The following RXRA variants were observed in gnomAD, a reference collection of about 807,000 sequenced individuals.
The protein encoded by RXRA is retinoid X receptor alpha.
A neutral mutation model predicts 44.5 loss-of-function variants in RXRA; 5 were observed. That is an observed-to-expected ratio of 0.11 (90% CI 0.06 to 0.24). RXRA has a LOEUF of 0.24. RXRA is among the 10% of genes least tolerant of loss of function. The pLI is 1.00. For missense variants in RXRA, 412 were observed against 646.5 expected, an observed-to-expected ratio of 0.64 and a Z score of 3.93; for synonymous variants, 291 against 271.4, an observed-to-expected ratio of 1.07 and a Z score of -0.71.
intron 1 of RXRA, among the ~76,000 whole-genome samples, chr9:134,387,851 G>T (rs1363285857): frequency 6.6e-6 from 1 of 152,158 alleles, no homozygotes; most frequent in Non-Finnish European, 1.5e-5. Flanking sequence ...GGGCTGTCTG[G>T]AGTGATCGTG....
At chr9:134,425,094 G>C in intron 6 of RXRA, 1 of 985,340 alleles carries the variant, frequency 1.0e-6, no homozygotes, top group Non-Finnish European at 1.2e-6. Flanking sequence ...CAAGGTCTCT[G>C]CTCACTCCGG....
At chr9:134,391,283 T>A (rs1199428795) in intron 1 of RXRA, among the ~76,000 whole-genome samples, 1 of 151,444 alleles carries the variant, frequency 6.6e-6, no homozygotes, top group East Asian at 2.0e-4. Context: ...ACTGCAGGGG[T>A]GTTCCTGAGC....
In RXRA at chr9:134,392,143, C is replaced by T. The variant is rs147754548; in HGVS notation, c.29-9489C>T. Reference sequence around the variant, plus strand: ...TTGCAGAGGGGGAGGGTGGGAAGGACGTCACATGCAGGCGATTGGGGCTCC... The same window carrying T: ...TTGCAGAGGGGGAGGGTGGGAAGGATGTCACATGCAGGCGATTGGGGCTCC... On this transcript the variant is annotated intron_variant, in intron 1 of 9. Coordinates refer to ENST00000481739, the MANE Select transcript of RXRA (RefSeq NM_002957.6). 4.5e-3 allele frequency among the ~76,000 whole-genome samples: 685 copies of T among 152,332 alleles called. 2 individuals are homozygous for T. Among genetic ancestry groups the T allele is most frequent in the South Asian group, 7.7e-3 (37 of 4,832 alleles).
At position 134,436,608 on chromosome 9, in the gene RXRA, G is replaced by T; in HGVS notation, c.1383G>T (p.Met461Ile). 6.2e-7 allele frequency: 1 copy of T among 1,613,980 alleles called. No individual in the cohort carries two copies. The highest frequency in any genetic ancestry group is 1.1e-5 in the South Asian group (1 of 91,090). The part of the protein sequence containing the change: ...LMEMLEAPHQ[M>I]T ...AGATGCTGGAGGCGCCGCACCAAAT[G>T]ACTTAGGCCTGCGGGCCCATCCTTT... is the stretch of plus-strand genomic sequence containing the variant. The change falls in exon 10 of 10, where the codon ATG becomes ATT. Residue 461 changes from methionine (M) to isoleucine (I), a missense_variant. By Grantham distance (10) the Met-to-Ile change is conservative. Around this residue, in one of 4 missense-constraint regions of RXRA, gnomAD observed 141 missense variants for 270.8 expected, o/e 0.52. Transcript: ENST00000481739.
chr9:134,367,074 C>T (rs954713875), intron 1 of RXRA, among the ~76,000 whole-genome samples: 6 of 152,134 alleles, frequency 3.9e-5, no homozygotes, highest in Non-Finnish European at 5.9e-5. Context: ...CTTTTTAAGG[C>T]GTGCAGTTCA....
chr9:134,353,774 G>A (rs1306479111), intron 1 of RXRA, among the ~76,000 whole-genome samples: 1 of 152,234 alleles, frequency 6.6e-6, no homozygotes, highest in Non-Finnish European at 1.5e-5. Context: ...CTCCAGGCCT[G>A]GGATGTCCCG....
intron 1 of RXRA, among the ~76,000 whole-genome samples, chr9:134,375,379 A>G (rs1830543206): frequency 6.6e-6 from 1 of 152,048 alleles, no homozygotes; most frequent in African/African-American, 2.4e-5. Flanking sequence ...CCAGAATTGC[A>G]GTGGCTTTTG....
chr9:134,331,120 C>A (rs992748380), intron 1 of RXRA, among the ~76,000 whole-genome samples: 1 of 152,164 alleles, frequency 6.6e-6, no homozygotes, highest in African/African-American at 2.4e-5. Context: ...GGAGAGCGCT[C>A]GCTGCTGCTG....
Position 134,408,951 on chromosome 9 carries a change from G to A in RXRA, c.442G>A (p.Gly148Arg). The A allele has an allele frequency of 1.3e-6, 2 of 1,584,170 alleles. No individual in the cohort carries two copies. Among genetic ancestry groups the A allele is most frequent in the Non-Finnish European group, 1.7e-6 (2 of 1,164,570 alleles). The change falls in exon 4 of 10, where the codon GGA (glycine) becomes AGA (arginine). Residue 148 changes from glycine (G) to arginine (R), a missense_variant. Physicochemically the swap from Gly to Arg is moderately radical, Grantham distance 125. Coordinates refer to ENST00000481739, the MANE Select transcript of RXRA (RefSeq NM_002957.6). Reference sequence around the variant, plus strand: ...GCCCTGTCCCGCAGGCAAGCACTATGGAGTGTACAGCTGCGAGGGGTGCAA... The same window carrying A: ...GCCCTGTCCCGCAGGCAAGCACTATAGAGTGTACAGCTGCGAGGGGTGCAA... ...CGDRSSGKHY[G>R]VYSCEGCKGF...
chr9:134,386,987 C>T (rs1043910966), intron 1 of RXRA, among the ~76,000 whole-genome samples: 3 of 152,224 alleles, frequency 2.0e-5, no homozygotes, highest in Non-Finnish European at 2.9e-5. Flanking sequence ...CTTCCTGGGC[C>T]CAGCGTTGGG....
In RXRA at chr9:134,342,770, G is replaced by A. The variant is rs1273258874; in HGVS notation, c.28+16111G>A. On this transcript the variant is annotated intron_variant, in intron 1 of 9. Coordinates refer to ENST00000481739, the MANE Select transcript of RXRA (RefSeq NM_002957.6). The surrounding 1 kb of genome is among the most constrained non-coding windows in gnomAD (Gnocchi z 4.4). ...GCCCCATAGGAGAGTGGACAGCGCC[G>A]CGGAGGAGGCTGCCTACCTGCCTTC... 1.3e-5 allele frequency among the ~76,000 whole-genome samples: 2 copies of A among 152,250 alleles called. No homozygotes were observed. The highest frequency in any genetic ancestry group is 2.1e-4 in the South Asian group (1 of 4,832).
At chr9:134,385,135 G>T (rs1164707350) in intron 1 of RXRA, among the ~76,000 whole-genome samples, 1 of 152,246 alleles carries the variant, frequency 6.6e-6, no homozygotes, top group African/African-American at 2.4e-5. Context: ...GCAGCCTGTT[G>T]TGGACAGAGC....
chr9:134,418,483 G>C (rs1342112453), intron 5 of RXRA, among the ~76,000 whole-genome samples: 1 of 152,076 alleles, frequency 6.6e-6, no homozygotes, highest in Non-Finnish European at 1.5e-5. Context: ...CCCTCTGTGG[G>C]CCCAGGCACA....
intron 1 of RXRA, among the ~76,000 whole-genome samples, chr9:134,339,609 CTG>C (rs1285741494): frequency 7.3e-6 from 1 of 136,440 alleles, no homozygotes; most frequent in Non-Finnish European, 1.6e-5. Flanking sequence ...GCGTGTGTTT[CTG>C]TGTGAGTCTC....
At position 134,381,588 on chromosome 9, in the gene RXRA, G is replaced by A. The variant is rs570795638; in HGVS notation, c.29-20044G>A. Among the ~76,000 whole-genome samples, 264 of 152,208 alleles carry A rather than the reference G, an allele frequency of 1.7e-3. 1 individual carries two copies. Among genetic ancestry groups the A allele is most frequent in the Non-Finnish European group, 3.0e-3 (206 of 67,984 alleles). On this transcript the variant is annotated intron_variant, in intron 1 of 9. Transcript: ENST00000481739. ...GGCAGGACACCATGGTCTATGTGGC[G>A]CCCGCCCTTCTCCCTCCTCCATGGC...
intron 6 of RXRA, chr9:134,422,134 C>A: frequency 7.6e-7 from 1 of 1,316,290 alleles, no homozygotes; most frequent in Non-Finnish European, 9.9e-7. Flanking sequence ...ACACTCCCCA[C>A]TCCTGGGACA....
rs527731255 is a variant in RXRA, at chr9:134,425,405, A to C, written c.910+3600A>C. ...ACTGAGACAGGGCCGGGTCGCTCAC[A>C]GCTTTCAGGTTTCTCCGTCCAACCT... On this transcript the variant is annotated intron_variant, in intron 6 of 9. Coordinates refer to ENST00000481739, the MANE Select transcript of RXRA (RefSeq NM_002957.6). 5 of 985,042 alleles carry C rather than the reference A, an allele frequency of 5.1e-6. No homozygotes were observed. In the South Asian group the frequency reaches 2.4e-4, roughly 46 times the overall value. 61.0% of individuals were successfully genotyped at this position (985,042 alleles called of 1,614,324 possible).
chr9:134,434,039 T>C, intron 8 of RXRA, 63 bp from the exon 9 acceptor site: 2 of 1,294,272 alleles, frequency 1.5e-6, no homozygotes, highest in South Asian at 1.2e-5. Flanking sequence ...GCCTGGGTCC[T>C]GGGGGCAGGT....
intron 1 of RXRA, among the ~76,000 whole-genome samples, chr9:134,345,954 G>C (rs889583950): frequency 6.6e-6 from 1 of 152,134 alleles, no homozygotes; most frequent in Non-Finnish European, 1.5e-5. Flanking sequence ...CCATTCAGGA[G>C]GTCCTCTCCT....
Sources: allele counts gnomAD v4.1 joint callset (sites outside exome capture counted in the v4.1 genomes callset), GRCh38; gene constraint gnomAD v4.1.1; regional missense constraint gnomAD v4.1.1; non-coding constraint Gnocchi (gnomAD v3.1); transcripts MANE v1.5; gene names NCBI Gene and HGNC (gene_info 2026-07-23, HGNC 2026-07-21).